Variants in PRKACA observed in about 807,000 individuals in gnomAD.
The protein encoded by PRKACA is protein kinase cAMP-activated catalytic subunit alpha.
A neutral mutation model predicts 45.8 loss-of-function variants in PRKACA; 9 were observed. The observed-to-expected ratio is 0.20, with a 90% CI of 0.12 to 0.34. The LOEUF is 0.34. Among genes scored for constraint, PRKACA ranks in the 10% least tolerant of loss-of-function variants. PRKACA has a pLI of 1.00. For synonymous variants in PRKACA, 160 were observed against 178.6 expected, an observed-to-expected ratio of 0.90 and a Z score of 0.83; for missense variants, 238 against 458.6, an observed-to-expected ratio of 0.52 and a Z score of 4.39.
intron 3 of PRKACA, 92 bp from the exon 4 acceptor site, chr19:14,103,006 G>T: frequency 9.6e-7 from 1 of 1,036,666 alleles, no homozygotes; most frequent in Non-Finnish European, 1.5e-6. Context: ...GCCGGAGCCA[G>T]GCCGGTTCCT....
intron 5 of PRKACA, 121 bp downstream of exon 5, chr19:14,100,705 C>A: frequency 1.1e-6 from 1 of 934,812 alleles, no homozygotes; most frequent in Non-Finnish European, 1.7e-6. Flanking sequence ...CCCACAGGGT[C>A]TGGGAGACCA....
At chr19:14,095,112 G>A (rs1245216685) in intron 8 of PRKACA, among the ~76,000 whole-genome samples, 5 of 152,234 alleles carry the variant, frequency 3.3e-5, no homozygotes, top group South Asian at 2.1e-4. Flanking sequence ...CTTCTCCTGT[G>A]GGATCTTCTG....
chr19:14,110,439 G>A (rs1966933827), intron 1 of PRKACA, among the ~76,000 whole-genome samples: 1 of 151,978 alleles, frequency 6.6e-6, no homozygotes, highest in Non-Finnish European at 1.5e-5. Context: ...AGGTGTGGTG[G>A]TATGCACCTG....
At chr19:14,106,655 A>G in intron 3 of PRKACA, 105 bp downstream of exon 3, 1 of 1,504,964 alleles carries the variant, frequency 6.6e-7, no homozygotes, top group South Asian at 1.2e-5. Context: ...CTCTGAATCA[A>G]AAAAAAGCAA....
intron 2 of PRKACA, 74 bp from the exon 3 acceptor site, chr19:14,106,962 C>A: frequency 6.4e-7 from 1 of 1,570,110 alleles, no homozygotes; most frequent in East Asian, 2.3e-5. Flanking sequence ...TGGGGCATCC[C>A]CTCTGCCACC....
intron 3 of PRKACA, among the ~76,000 whole-genome samples, chr19:14,106,394 C>T (rs1262782352): frequency 6.6e-6 from 1 of 152,144 alleles, no homozygotes; most frequent in African/African-American, 2.4e-5. Context: ...TGGCTCACGC[C>T]TGTAATCCCA....
In PRKACA at chr19:14,106,816, C is replaced by T. The variant is rs1193485795; in HGVS notation, c.181G>A (p.Val61Met). 1 of 1,614,208 alleles carries T rather than the reference C, an allele frequency of 6.2e-7. No homozygotes were observed. Among genetic ancestry groups the T allele is most frequent in the South Asian group, 1.1e-5 (1 of 91,084 alleles). ...TGGTTCCCGGTCTCCTTGTGTTTCA[C>T]CAGCATCACCCGCCCGAAGGAGCCC... ...GTGSFGRVML[V>M]KHKETGNHYA... The change falls in exon 3 of 10, where the codon GTG becomes ATG. Residue 61 changes from valine to methionine, a missense_variant. Val to Met is a conservative substitution (Grantham distance 21, BLOSUM62 1). Around this residue, in one of 3 missense-constraint regions of PRKACA, gnomAD observed 93 missense variants for 149.1 expected, o/e 0.62. Transcript: ENST00000308677.
chr19:14,105,072 A>G (rs1977562860), intron 3 of PRKACA, among the ~76,000 whole-genome samples: 1 of 152,172 alleles, frequency 6.6e-6, no homozygotes, highest in African/African-American at 2.4e-5. Context: ...TTTTAAAGAT[A>G]CTTCAGTACA....
Position 14,107,741 on chromosome 19 carries a change from C to T in PRKACA, c.47-332G>A, listed in dbSNP as rs41296254. On this transcript the variant is annotated intron_variant, in intron 1 of 9. Coordinates refer to ENST00000308677, the MANE Select transcript of PRKACA (RefSeq NM_002730.4). ...TTCCATGGCCAGGGCCGACGCCAGC[C>T]GAGGTATTTATAGCCTTGGGATTTG... 3.5e-3 allele frequency: 3,820 copies of T among 1,082,702 alleles called. 102 individuals are homozygous for T. The African/African-American group carries it at 0.057, about 16-fold the overall frequency. The allele number at this position is 1,082,702 out of a possible 1,614,324, so 67.1% of individuals were successfully genotyped here.
chr19:14,114,272 C>T, intron 1 of PRKACA: 1 of 1,424,708 alleles, frequency 7.0e-7, no homozygotes, highest in East Asian at 2.5e-5. Flanking sequence ...AGCTAGGGAG[C>T]CGTGGGGTGG....
chr19:14,094,466 G>A (rs1242234214), intron 8 of PRKACA, among the ~76,000 whole-genome samples: 1 of 152,194 alleles, frequency 6.6e-6, no homozygotes, highest in Non-Finnish European at 1.5e-5. Context: ...TGGGATTACA[G>A]GTGTGAGCCA....
At chr19:14,102,169 A>C (rs956183697) in intron 4 of PRKACA, among the ~76,000 whole-genome samples, 10 of 152,188 alleles carry the variant, frequency 6.6e-5, no homozygotes, top group Admixed American at 3.9e-4. Flanking sequence ...GTCTCAACAA[A>C]AAAAAATTAT....
At chr19:14,104,456 G>A (rs1437887779) in intron 3 of PRKACA, among the ~76,000 whole-genome samples, 14 of 149,020 alleles carry the variant, frequency 9.4e-5, no homozygotes, top group East Asian at 4.0e-4. Context: ...CAGCACTTTG[G>A]GAGGCCGAGG....
intron 5 of PRKACA, chr19:14,098,488 A>ATTTT (rs1173795542): frequency 9.5e-4 from 139 of 146,944 alleles, no homozygotes; most frequent in African/African-American, 2.8e-3. Flanking sequence ...ATATATATAT[A>ATTTT]TTTTTTTTTG....
intron 1 of PRKACA, among the ~76,000 whole-genome samples, chr19:14,116,296 G>A (rs1220338960): frequency 2.0e-5 from 3 of 152,196 alleles, no homozygotes; most frequent in African/African-American, 4.8e-5. Flanking sequence ...TCCAGATAGA[G>A]AATCTCTTTC....
In PRKACA at chr19:14,102,909, C is replaced by T. The variant is rs1186500807; in HGVS notation, c.243G>A (p.Val81=). Residue 81 remains valine, a synonymous_variant, in exon 4 of 10, where the codon GTG becomes GTA. Coordinates refer to ENST00000308677, the MANE Select transcript of PRKACA (RefSeq NM_002730.4). ...AMKILDKQKV[V]KLKQIEHTLN... ...GGGTGTGTTCGATCTGTTTCAGTTT[C>T]ACCACCTGGGAAGGGAAGGAGGGGA... 1.5e-5 allele frequency: 25 copies of T among 1,613,756 alleles called. No homozygotes were observed. The highest frequency in any genetic ancestry group is 2.0e-5 in the Non-Finnish European group (24 of 1,179,642).
At chr19:14,102,409 TCCCC>T (rs1977471378) in intron 4 of PRKACA, among the ~76,000 whole-genome samples, 1 of 152,066 alleles carries the variant, frequency 6.6e-6, no homozygotes, top group African/African-American at 2.4e-5. Flanking sequence ...ACTGGTATGA[TCCCC>T]ATTTTACCAT....
rs1459633101 is a variant in PRKACA at position 14,117,692 on chromosome 19, C to T, written c.-145G>A. The T allele has an allele frequency of 1.8e-5, 5 of 284,252 alleles. No homozygotes were observed. The highest frequency in any genetic ancestry group is 1.7e-3 in the Middle Eastern group (1 of 596). 17.6% of individuals were successfully genotyped at this position (284,252 alleles called of 1,614,324 possible). A position where few individuals can be genotyped will look rare whatever the true frequency, so the allele number is the denominator to read the frequency against. On this transcript the variant is annotated 5_prime_UTR_variant, in exon 1 of 10. Transcript: ENST00000308677. The stretch of plus-strand genomic sequence containing the variant: ...CTGCGGCGCCGCGACCCCCGCCCAG[C>T]CCCTGCTTCCCGCGTCTCTCCGCGC...
At chr19:14,100,561 G>A (rs1977413898) in intron 5 of PRKACA, among the ~76,000 whole-genome samples, 1 of 152,222 alleles carries the variant, frequency 6.6e-6, no homozygotes, top group African/African-American at 2.4e-5. Flanking sequence ...GCCTCCCAAA[G>A]TGCTGGGATT....
Sources: gnomAD v4.1 joint callset for allele counts (sites outside exome capture counted in the v4.1 genomes callset) on GRCh38, gnomAD v4.1.1 for gene constraint, gnomAD v4.1.1 regional missense constraint, MANE v1.5 for transcripts, NCBI Gene and HGNC (gene_info 2026-07-23, HGNC 2026-07-21) for gene names.